Variants in PCDHA7 observed in about 807,000 individuals in gnomAD.
The protein encoded by PCDHA7 is protocadherin alpha-7.
Under a neutral mutation model 57.2 loss-of-function variants are expected in PCDHA7, and 37 were observed. The observed-to-expected ratio is 0.65, with a 90% CI of 0.50 to 0.85. The LOEUF is 0.85. Ranked by LOEUF, PCDHA7 falls within the 40% of genes least tolerant of loss-of-function variation. The pLI is 0.00. For synonymous variants in PCDHA7, 553 were observed against 558.8 expected (o/e 0.99, Z 0.15); for missense variants, 1,188 against 1,241.8 (o/e 0.96, Z 0.65).
intron 1 of PCDHA7, among the ~76,000 whole-genome samples, chr5:140,935,656 CTTTTA>C (rs1300447387): frequency 6.6e-6 from 1 of 151,868 alleles, no homozygotes; most frequent in African/African-American, 2.4e-5. Context: ...TTTTAATTTT[CTTTTA>C]TAATTATGTG....
At chr5:140,964,566 G>A (rs2095840528) in intron 1 of PCDHA7, among the ~76,000 whole-genome samples, 1 of 152,168 alleles carries the variant, frequency 6.6e-6, no homozygotes, top group Non-Finnish European at 1.5e-5. Context: ...GGGCTGGGAG[G>A]AGATAAGGGG....
chr5:140,927,299 T>C, intron 1 of PCDHA7: 4 of 1,614,086 alleles, frequency 2.5e-6, no homozygotes, highest in Middle Eastern at 1.6e-4. Context: ...ATCCCCGAGT[T>C]CCTGACGCCC....
At chr5:140,930,993 C>T (rs1275430453) in intron 1 of PCDHA7, among the ~76,000 whole-genome samples, 1 of 152,140 alleles carries the variant, frequency 6.6e-6, no homozygotes, top group African/African-American at 2.4e-5. Flanking sequence ...TCATGACCTA[C>T]ACTAATAACA....
At chr5:140,920,269 A>G (rs1342153832) in intron 1 of PCDHA7, among the ~76,000 whole-genome samples, 1 of 152,224 alleles carries the variant, frequency 6.6e-6, no homozygotes, top group Non-Finnish European at 1.5e-5. Flanking sequence ...TTATTACTTT[A>G]TGTAATCTTA....
intron 1 of PCDHA7, chr5:140,857,399 G>T (rs375062704): frequency 6.3e-7 from 1 of 1,598,510 alleles, no homozygotes; most frequent in Non-Finnish European, 8.6e-7. Context: ...GAACGACAAC[G>T]CGCCTGCGTT....
chr5:140,869,283 G>A, intron 1 of PCDHA7: 2 of 1,613,602 alleles, frequency 1.2e-6, no homozygotes, highest in Non-Finnish European at 1.7e-6. Flanking sequence ...CGGAGCTGGT[G>A]CAGCGCCTGT....
chr5:140,914,022 C>T (rs1157309436), intron 1 of PCDHA7, among the ~76,000 whole-genome samples: 2 of 152,134 alleles, frequency 1.3e-5, no homozygotes, highest in African/African-American at 2.4e-5. Context: ...GAATGATCCA[C>T]GTGCTGAGAA....
intron 1 of PCDHA7, among the ~76,000 whole-genome samples, chr5:140,956,090 C>T (rs964801271): frequency 1.3e-5 from 2 of 152,162 alleles, no homozygotes; most frequent in Non-Finnish European, 2.9e-5. Flanking sequence ...ATGTCATCTG[C>T]AAACAAAGAT....
At chr5:140,894,042 C>T (rs1180138209) in intron 1 of PCDHA7, among the ~76,000 whole-genome samples, 2 of 152,078 alleles carry the variant, frequency 1.3e-5, no homozygotes, top group African/African-American at 2.4e-5. Context: ...TAATGTAAGT[C>T]CTCTGTTGAA....
At chr5:140,847,270 T>A (rs1780933593) in intron 1 of PCDHA7, among the ~76,000 whole-genome samples, 1 of 149,770 alleles carries the variant, frequency 6.7e-6, no homozygotes, top group African/African-American at 2.4e-5. Context: ...TGAAAGAAGG[T>A]TGAACGGGAA....
chr5:140,945,534 TACAA>T (rs1326981055), intron 1 of PCDHA7, among the ~76,000 whole-genome samples: 1 of 151,454 alleles, frequency 6.6e-6, no homozygotes, highest in African/African-American at 2.4e-5. Flanking sequence ...AAACAAAACA[TACAA>T]ACAAAAAAAT....
intron 3 of PCDHA7, among the ~76,000 whole-genome samples, chr5:140,994,367 G>C (rs2097617491): frequency 6.6e-6 from 1 of 152,110 alleles, no homozygotes; most frequent in African/African-American, 2.4e-5. Context: ...AGATGGAATT[G>C]GAAATTCAGG....
chr5:140,850,049 C>G (rs2150465227), intron 1 of PCDHA7: 5 of 1,596,466 alleles, frequency 3.1e-6, no homozygotes, highest in Non-Finnish European at 3.4e-6. Flanking sequence ...GCAAGGTGTA[C>G]GCGCTGCAGC....
chr5:140,896,074 A>C (rs1251086240), intron 1 of PCDHA7, among the ~76,000 whole-genome samples: 1 of 151,976 alleles, frequency 6.6e-6, no homozygotes, highest in African/African-American at 2.4e-5. Context: ...GCCTCCCAAC[A>C]TGCTGGGATT....
chr5:140,843,773 T>G (rs2150366556), intron 1 of PCDHA7: 2 of 1,456,190 alleles, frequency 1.4e-6, no homozygotes, highest in Non-Finnish European at 1.9e-6. Context: ...GTAGTTACTT[T>G]AAAAGTGTTT....
At chr5:140,855,751 T>G in intron 1 of PCDHA7, 1 of 328,292 alleles carries the variant, frequency 3.0e-6, no homozygotes, top group Non-Finnish European at 5.6e-6. Flanking sequence ...ATGTGAGGCT[T>G]TGAAAGTCCA....
intron 1 of PCDHA7, among the ~76,000 whole-genome samples, chr5:140,873,769 T>G (rs1554166882): frequency 6.6e-6 from 1 of 151,412 alleles, no homozygotes; most frequent in Non-Finnish European, 1.5e-5. Flanking sequence ...CAAGCAATTC[T>G]CCTGCCTCAG....
intron 1 of PCDHA7, chr5:140,836,956 T>C (rs1363599144): frequency 2.4e-6 from 1 of 416,414 alleles, no homozygotes; most frequent in Non-Finnish European, 4.2e-6. Flanking sequence ...CTATGGTTTA[T>C]GTTGGCTACT....
chr5:140,854,159 CAAA>C (rs59855104), intron 1 of PCDHA7: 332 of 340,956 alleles, frequency 9.7e-4, no homozygotes, highest in Non-Finnish European at 1.1e-3. Context: ...GATTCTGTCT[CAAA>C]AAAAAAAAAA....
Sources: gnomAD v4.1 joint callset for allele counts (sites outside exome capture counted in the v4.1 genomes callset) on GRCh38, gnomAD v4.1.1 for gene constraint, MANE v1.5 for transcripts, NCBI Gene and HGNC (gene_info 2026-07-23, HGNC 2026-07-21) for gene names.